Variants in CSMD1 observed in about 807,000 individuals in gnomAD.
The protein encoded by CSMD1 is CUB and sushi domain-containing protein 1.
A neutral mutation model predicts 417.5 loss-of-function variants in CSMD1; 213 were observed. That is an observed-to-expected ratio of 0.51 (90% CI 0.46 to 0.57). CSMD1 has a LOEUF of 0.57. CSMD1 is among the 20% of genes least tolerant of loss of function. The pLI is 0.00. For synonymous variants in CSMD1, 2,862 were observed against 1,736.8 expected (o/e 1.65, Z -16.11); for missense variants, 6,923 against 4,529.7 (o/e 1.53, Z -15.17).
chr8:4,070,555 C>T (rs964924749), intron 3 of CSMD1, among the ~76,000 whole-genome samples: 4 of 152,114 alleles, frequency 2.6e-5, no homozygotes, highest in African/African-American at 7.2e-5. Context: ...GACGGGGTTT[C>T]ACCGTGTTAG....
At position 3,428,558 on chromosome 8, in the gene CSMD1, T is replaced by C. The variant is rs139812964; in HGVS notation, c.1562-18953A>G. ...CCCTTAAAAGACTGACCATACCAAA[T>C]GTCAGCAAACATTTAGAAAAACTGT... is the stretch of plus-strand genomic sequence containing the variant. On this transcript the variant is annotated intron_variant, in intron 12 of 69. Coordinates refer to ENST00000635120, the MANE Select transcript of CSMD1 (RefSeq NM_033225.6). Among the ~76,000 whole-genome samples the C allele has an allele frequency of 3.8e-3, 580 of 152,260 alleles. 7 individuals carry two copies. The highest frequency in any genetic ancestry group is 0.026 in the Admixed American group (392 of 15,282).
chr8:4,543,473 G>A (rs962442608), intron 2 of CSMD1, among the ~76,000 whole-genome samples: 1 of 151,928 alleles, frequency 6.6e-6, no homozygotes, highest in South Asian at 2.1e-4. Context: ...TGAATTAATT[G>A]TTTCCCTTTA....
chr8:3,506,286 A>C (rs1290181711), intron 10 of CSMD1, among the ~76,000 whole-genome samples: 4 of 152,210 alleles, frequency 2.6e-5, no homozygotes, highest in African/African-American at 9.6e-5. Context: ...ACACTACTTA[A>C]GTGCCTCAGA....
intron 1 of CSMD1, among the ~76,000 whole-genome samples, chr8:4,878,822 G>A (rs1803211339): frequency 6.6e-6 from 1 of 151,968 alleles, no homozygotes; most frequent in Non-Finnish European, 1.5e-5. Flanking sequence ...AAACAGTACA[G>A]AGGAGAAATT....
chr8:4,683,198 C>T (rs906700862), intron 1 of CSMD1, among the ~76,000 whole-genome samples: 1 of 151,798 alleles, frequency 6.6e-6, no homozygotes, highest in Admixed American at 6.6e-5. Context: ...GTAATATGTT[C>T]ATGAAACAAC....
chr8:4,478,250 C>T (rs923330436), intron 2 of CSMD1, among the ~76,000 whole-genome samples: 3 of 152,134 alleles, frequency 2.0e-5, no homozygotes, highest in Non-Finnish European at 4.4e-5. Flanking sequence ...CTTAGAAATG[C>T]TTATTTCCCA....
rs1339221017 is a variant in CSMD1, at chr8:4,266,864, A to G, written c.415+153089T>C. ...ATAAAAATATGATTCAATATTTGAA[A>G]ACATATTAATTCAACGTGTTAAGAT... On this transcript the variant is annotated intron_variant, in intron 3 of 69. Coordinates refer to ENST00000635120, the MANE Select transcript of CSMD1 (RefSeq NM_033225.6). Among the ~76,000 whole-genome samples, 3 of 104,982 alleles carry G rather than the reference A, an allele frequency of 2.9e-5. 1 individual carries two copies. Among genetic ancestry groups the G allele is most frequent in the Admixed American group, 2.7e-4 (3 of 11,064 alleles). The allele number at this position is 104,982 out of a possible 152,430, so 68.9% of individuals were successfully genotyped here.
chr8:3,656,525 C>T (rs1439870490), intron 7 of CSMD1, among the ~76,000 whole-genome samples: 3 of 152,098 alleles, frequency 2.0e-5, no homozygotes, highest in East Asian at 1.9e-4. Flanking sequence ...TCTTCTAATC[C>T]GCAAAATAAT....
chr8:3,731,926 G>A (rs1057150561), intron 6 of CSMD1, among the ~76,000 whole-genome samples: 2 of 152,132 alleles, frequency 1.3e-5, no homozygotes, highest in African/African-American at 4.8e-5. Context: ...TGGACCTGAG[G>A]TTTGAAACCA....
At chr8:4,905,932 T>C (rs1805239153) in intron 1 of CSMD1, among the ~76,000 whole-genome samples, 1 of 151,934 alleles carries the variant, frequency 6.6e-6, no homozygotes, top group Non-Finnish European at 1.5e-5. Context: ...CTTTCACCAG[T>C]CCCAGTTTCC....
At chr8:4,985,064 A>T (rs1360733174) in intron 1 of CSMD1, among the ~76,000 whole-genome samples, 1 of 152,152 alleles carries the variant, frequency 6.6e-6, no homozygotes, top group East Asian at 1.9e-4. Context: ...CTTTGCAGGG[A>T]CGTGGGTGGA....
chr8:4,882,515 C>T (rs1202256866), intron 1 of CSMD1, among the ~76,000 whole-genome samples: 1 of 151,730 alleles, frequency 6.6e-6, no homozygotes, highest in Non-Finnish European at 1.5e-5. Flanking sequence ...AAGGCTTCCT[C>T]TCCCACAGGT....
intron 2 of CSMD1, among the ~76,000 whole-genome samples, chr8:4,463,266 C>A (rs1365552115): frequency 2.0e-5 from 3 of 151,922 alleles, no homozygotes; most frequent in Admixed American, 6.6e-5. Flanking sequence ...AAAATAGGTA[C>A]CATCAAAAAG....
intron 6 of CSMD1, among the ~76,000 whole-genome samples, chr8:3,744,343 T>A (rs1298432584): frequency 6.6e-6 from 1 of 152,098 alleles, no homozygotes; most frequent in African/African-American, 2.4e-5. Context: ...CCCTGTGGGC[T>A]TCCACTGATT....
At chr8:4,433,310 G>A (rs13263442) in intron 2 of CSMD1, among the ~76,000 whole-genome samples, 33,020 of 152,064 alleles carry the variant, frequency 0.22, 4,513 homozygotes, top group Middle Eastern at 0.33. Context: ...TGGCTTCCAC[G>A]AAACTGGTCC....
intron 51 of CSMD1, among the ~76,000 whole-genome samples, chr8:3,021,325 C>T (rs1230800464): frequency 6.6e-6 from 1 of 152,150 alleles, no homozygotes; most frequent in East Asian, 1.9e-4. Context: ...GAATTTCAGA[C>T]CCAGAGTTTC....
intron 1 of CSMD1, among the ~76,000 whole-genome samples, chr8:4,730,567 C>T (rs1057085124): frequency 1.3e-5 from 2 of 151,860 alleles, no homozygotes; most frequent in Non-Finnish European, 2.9e-5. Context: ...GGTGAAACTC[C>T]GTCTCTACTA....
Position 3,927,794 on chromosome 8 carries a change from A to C in CSMD1, c.818+70109T>G, listed in dbSNP as rs549673757. 2.4e-4 allele frequency among the ~76,000 whole-genome samples: 37 copies of C among 152,324 alleles called. 1 individual carries two copies. The highest frequency in any genetic ancestry group is 2.1e-3 in the Admixed American group (32 of 15,300). On this transcript the variant is annotated intron_variant, in intron 5 of 69. Transcript: ENST00000635120. Reference sequence around the variant, plus strand: ...CTAAGAAAAATACCAAATCTACCAAATATTTTAGTTTTAAATTTAAAAATA... The same window carrying C: ...CTAAGAAAAATACCAAATCTACCAACTATTTTAGTTTTAAATTTAAAAATA...
intron 67 of CSMD1, among the ~76,000 whole-genome samples, 158 bp from the exon 68 acceptor site, chr8:2,949,544 ATAGT>A (rs72288499): frequency 0.16 from 24,061 of 152,114 alleles, 1,950 homozygotes; most frequent in African/African-American, 0.21. Flanking sequence ...TGACACATTT[ATAGT>A]TAAAGATCAG....
Sources: allele counts gnomAD v4.1 joint callset (sites outside exome capture counted in the v4.1 genomes callset), GRCh38; gene constraint gnomAD v4.1.1; transcripts MANE v1.5; gene names NCBI Gene and HGNC (gene_info 2026-07-23, HGNC 2026-07-21).